Variants in ZP3 observed in about 807,000 individuals in gnomAD.
ZP3 encodes the protein zona pellucida sperm-binding protein 3.
ZP3 carries 21 observed loss-of-function variants against 35.6 expected under a neutral mutation model. That is an observed-to-expected ratio of 0.59 (90% CI 0.42 to 0.85). The LOEUF (loss-of-function observed/expected upper bound fraction) is 0.85. ZP3 is among the 40% of genes least tolerant of loss of function. ZP3 has a pLI of 0.00. For missense variants in ZP3, 437 were observed against 536.5 expected (o/e 0.81, Z 1.83); for synonymous variants, 207 against 214.5 (o/e 0.96, Z 0.31).
intron 1 of ZP3, among the ~76,000 whole-genome samples, chr7:76,416,696 G>A (rs1207812827): frequency 6.6e-6 from 1 of 151,714 alleles, no homozygotes; most frequent in African/African-American, 2.4e-5. Flanking sequence ...CTACTCAAGA[G>A]GCTGAGATGG....
chr7:76,441,814 C>T (rs1353504462), intron 7 of ZP3, 28 bp from the exon 8 acceptor site: 1 of 1,613,868 alleles, frequency 6.2e-7, no homozygotes, highest in Non-Finnish European at 8.5e-7. Context: ...ACTAAGATAA[C>T]CCTTGGTTGT....
upstream of ZP3, among the ~76,000 whole-genome samples, chr7:76,424,338 A>G (rs1805589766): frequency 6.6e-6 from 1 of 152,158 alleles, no homozygotes; most frequent in African/African-American, 2.4e-5. Context: ...AAAACTTTCA[A>G]GTGGGCTGGG....
intron 2 of ZP3, 72 bp downstream of exon 2, chr7:76,429,705 C>T: frequency 7.8e-7 from 1 of 1,277,296 alleles, no homozygotes; most frequent in South Asian, 1.2e-5. Context: ...AGTGGGCTGG[C>T]TATGGGCTAC....
At chr7:76,405,394 C>T (rs2115809432) in intron 1 of ZP3, among the ~76,000 whole-genome samples, 1 of 109,784 alleles carries the variant, frequency 9.1e-6, no homozygotes, top group East Asian at 3.0e-4. Context: ...ATTGGCCAGG[C>T]TGGTTTCGAA....
intron 1 of ZP3, among the ~76,000 whole-genome samples, chr7:76,416,804 C>CTG (rs1477035775): frequency 2.2e-5 from 3 of 137,588 alleles, no homozygotes; most frequent in Non-Finnish European, 4.8e-5. Flanking sequence ...GTCTCTCTCT[C>CTG]TCTCTCTCTC....
chr7:76,429,559 C>T lies in ZP3; in HGVS notation c.357C>T (p.Asp119=). Reference sequence around the variant, plus strand: ...TGTACAGCACCTTCCTGCTCCATGACCCCCGCCCCGTGGGAAACCTGTCCA... The same window carrying T: ...TGTACAGCACCTTCCTGCTCCATGATCCCCGCCCCGTGGGAAACCTGTCCA... ...ALVYSTFLLH[D]PRPVGNLSIV... is the part of the protein sequence containing the mutation. The change falls in exon 2 of 8, where the codon GAC becomes GAT. Residue 119 remains aspartate (D), a synonymous_variant. Transcript: ENST00000394857. 5 of 1,614,088 alleles carry T rather than the reference C, an allele frequency of 3.1e-6. No homozygotes were observed. The highest frequency in any genetic ancestry group is 4.2e-6 in the Non-Finnish European group (5 of 1,179,970).
chr7:76,430,915 G>A (rs34573489), intron 2 of ZP3, among the ~76,000 whole-genome samples: 7,070 of 152,270 alleles, frequency 0.046, 219 homozygotes, highest in Non-Finnish European at 0.072. Context: ...CCCAACGGGA[G>A]GGTAGTGTGC....
intron 2 of ZP3, 68 bp from the exon 3 acceptor site, chr7:76,432,859 C>A: frequency 7.4e-7 from 1 of 1,352,634 alleles, no homozygotes; most frequent in Non-Finnish European, 1.0e-6. Flanking sequence ...GTGAGATACT[C>A]CCCATCAGTG....
chr7:76,409,216 A>G (rs957691308), intron 1 of ZP3, among the ~76,000 whole-genome samples: 1 of 152,124 alleles, frequency 6.6e-6, no homozygotes, highest in African/African-American at 2.4e-5. Context: ...TGATGGCTAC[A>G]GAATCATAGA....
At chr7:76,423,347 G>A (rs369813274), upstream of ZP3, among the ~76,000 whole-genome samples, 114 of 152,214 alleles carry the variant, frequency 7.5e-4, no homozygotes, top group Middle Eastern at 0.014. Context: ...AGGGCATGCC[G>A]GCTGTGCTGG....
intron 1 of ZP3, chr7:76,401,102 C>T (rs1804812151): frequency 1.5e-5 from 22 of 1,484,264 alleles, no homozygotes; most frequent in East Asian, 2.6e-5. Context: ...TCCCTGGTCC[C>T]AGGAACACAC....
At chr7:76,402,030 TTC>T (rs1360791377) in intron 1 of ZP3, among the ~76,000 whole-genome samples, 11 of 151,934 alleles carry the variant, frequency 7.2e-5, no homozygotes, top group Non-Finnish European at 1.6e-4. Context: ...CTTCTTCTTC[TTC>T]TTTTTAAGAC....
intron 1 of ZP3, among the ~76,000 whole-genome samples, chr7:76,427,133 G>A (rs1805689272): frequency 6.6e-6 from 1 of 152,138 alleles, no homozygotes; most frequent in Admixed American, 6.6e-5. Context: ...CCAGCTGTGG[G>A]TAATAAGGAT....
intron 2 of ZP3, among the ~76,000 whole-genome samples, chr7:76,432,014 G>A (rs1240700028): frequency 2.0e-5 from 3 of 148,910 alleles, no homozygotes; most frequent in Non-Finnish European, 4.5e-5. Flanking sequence ...AAGTATGTGT[G>A]GTGGCTTTTG....
intron 7 of ZP3, among the ~76,000 whole-genome samples, chr7:76,440,930 G>C (rs913474954): frequency 4.6e-5 from 7 of 152,252 alleles, no homozygotes; most frequent in African/African-American, 1.7e-4. Flanking sequence ...CCAGCACTTC[G>C]GGAGGCCAAG....
chr7:76,409,755 G>A (rs1370373372), intron 1 of ZP3: 1 of 153,056 alleles, frequency 6.5e-6, no homozygotes. Flanking sequence ...CTCAAGGCCA[G>A]GCAGCCCCTC....
rs115316236 is a variant in ZP3 at position 76,400,276 on chromosome 7, C to G, written c.-67+2479C>G. The G allele has an allele frequency of 1.5e-3, 2,158 of 1,457,006 alleles. 36 individuals carry two copies. The African/African-American group carries it at 0.028, about 19-fold the overall frequency. The allele number at this position is 1,457,006 out of a possible 1,614,324, so 90.3% of individuals were successfully genotyped here. A position where few individuals can be genotyped will look rare whatever the true frequency, so the allele number is the denominator to read the frequency against. On this transcript the variant is annotated intron_variant, in intron 1 of 8. Transcript: ENST00000336517. Reference sequence around the variant, plus strand: ...CTGTCTGTCCCTCCAGGTCCCAGGGCTCCACTCACCATCACACAGGACAGC... The same window carrying G: ...CTGTCTGTCCCTCCAGGTCCCAGGGGTCCACTCACCATCACACAGGACAGC...
At chr7:76,400,572 G>C in intron 1 of ZP3, 1 of 1,484,130 alleles carries the variant, frequency 6.7e-7, no homozygotes, top group Non-Finnish European at 9.0e-7. Context: ...AGCGGCTGGG[G>C]CCCCCCACCA....
intron 1 of ZP3, among the ~76,000 whole-genome samples, chr7:76,409,932 G>GAA (rs1406925236): frequency 4.6e-5 from 7 of 152,334 alleles, no homozygotes; most frequent in African/African-American, 1.7e-4. Context: ...TGAGGGTTTG[G>GAA]AAATGGTCCC....
Sources: gnomAD v4.1 joint callset for allele counts (sites outside exome capture counted in the v4.1 genomes callset) on GRCh38, gnomAD v4.1.1 for gene constraint, MANE v1.5 for transcripts, NCBI Gene and HGNC (gene_info 2026-07-23, HGNC 2026-07-21) for gene names.